Variants in SH3RF1 observed in about 807,000 individuals in gnomAD.
The protein encoded by SH3RF1 is SH3 domain containing ring finger 1, also known as E3 ubiquitin-protein ligase SH3RF1.
SH3RF1 carries 32 observed loss-of-function variants against 74.0 expected under a neutral mutation model. That is an observed-to-expected ratio of 0.43 (90% CI 0.33 to 0.58). The LOEUF is 0.58. Among genes scored for constraint, SH3RF1 ranks in the 20% least tolerant of loss-of-function variants. The pLI, the probability that SH3RF1 is intolerant of heterozygous loss-of-function variation, is 0.05. For synonymous variants in SH3RF1, 396 were observed against 439.6 expected (o/e 0.90, Z 1.24); for missense variants, 954 against 1,130.9 (o/e 0.84, Z 2.24).
chr4:169,128,856 A>G (rs1238472779), intron 6 of SH3RF1, among the ~76,000 whole-genome samples: 1 of 152,244 alleles, frequency 6.6e-6, no homozygotes, highest in Non-Finnish European at 1.5e-5. Context: ...GACAGCAAAG[A>G]AAACTGTAAC....
At chr4:169,165,850 CTG>C (rs1298747240) in intron 2 of SH3RF1, among the ~76,000 whole-genome samples, 1 of 152,134 alleles carries the variant, frequency 6.6e-6, no homozygotes, top group Non-Finnish European at 1.5e-5. Flanking sequence ...GGCAATTCAA[CTG>C]AGAAAAATAA....
chr4:169,194,980 A>G (rs1205942878), intron 2 of SH3RF1, among the ~76,000 whole-genome samples: 1 of 152,176 alleles, frequency 6.6e-6, no homozygotes, highest in African/African-American at 2.4e-5. Flanking sequence ...GTTGTTTTGT[A>G]TGGTCATTAG....
At chr4:169,180,024 C>A (rs1734481481) in intron 2 of SH3RF1, among the ~76,000 whole-genome samples, 2 of 152,144 alleles carry the variant, frequency 1.3e-5, no homozygotes, top group South Asian at 4.1e-4. Context: ...AAGAAACCTG[C>A]ATAAACTTTG....
intron 2 of SH3RF1, among the ~76,000 whole-genome samples, chr4:169,259,920 A>G (rs1731250968): frequency 1.3e-5 from 2 of 152,230 alleles, no homozygotes; most frequent in Non-Finnish European, 2.9e-5. Context: ...CTGCCACAGC[A>G]TGAATTACAA....
At chr4:169,209,363 GA>G (rs1730320550) in intron 2 of SH3RF1, among the ~76,000 whole-genome samples, 1 of 151,854 alleles carries the variant, frequency 6.6e-6, no homozygotes, top group African/African-American at 2.4e-5. Context: ...TCAGTTCTCA[GA>G]TAAGGATCCA....
intron 4 of SH3RF1, among the ~76,000 whole-genome samples, chr4:169,155,101 A>C (rs1734030241): frequency 6.6e-6 from 1 of 152,218 alleles, no homozygotes; most frequent in African/African-American, 2.4e-5. Context: ...CAAGTAACCA[A>C]AGAAGTAAGT....
intron 2 of SH3RF1, among the ~76,000 whole-genome samples, chr4:169,231,422 C>T (rs923074336): frequency 1.3e-5 from 2 of 152,036 alleles, no homozygotes; most frequent in African/African-American, 2.4e-5. Flanking sequence ...AAAAATTAGC[C>T]AGACGTCATG....
chr4:169,235,820 A>C (rs2127009871), intron 2 of SH3RF1, among the ~76,000 whole-genome samples: 1 of 152,120 alleles, frequency 6.6e-6, no homozygotes, highest in Non-Finnish European at 1.5e-5. Context: ...AGCTGGGATT[A>C]CAGGTGTGCA....
At chr4:169,264,729 T>A (rs1043785101) in intron 2 of SH3RF1, among the ~76,000 whole-genome samples, 6 of 152,170 alleles carry the variant, frequency 3.9e-5, no homozygotes, top group South Asian at 4.1e-4. Context: ...TTCCTATCTA[T>A]CCTACCCATC....
chr4:169,235,755 A>C (rs1399472123), intron 2 of SH3RF1, among the ~76,000 whole-genome samples: 1 of 151,796 alleles, frequency 6.6e-6, no homozygotes, highest in Non-Finnish European at 1.5e-5. Context: ...GCAACGGTGC[A>C]ATCTTGGCTC....
chr4:169,197,393 G>A (rs1450534970), intron 2 of SH3RF1, among the ~76,000 whole-genome samples: 2 of 152,024 alleles, frequency 1.3e-5, no homozygotes, highest in Non-Finnish European at 2.9e-5. Context: ...GGAAGGCCAG[G>A]GCAGGTGGAT....
chr4:169,143,312 T>C (rs753486074), intron 4 of SH3RF1, among the ~76,000 whole-genome samples: 27 of 152,232 alleles, frequency 1.8e-4, no homozygotes, highest in African/African-American at 2.7e-4. Flanking sequence ...ATGTAATCCA[T>C]GTAAAAAAGT....
At chr4:169,185,542 A>C (rs779617519) in intron 2 of SH3RF1, among the ~76,000 whole-genome samples, 33 of 152,188 alleles carry the variant, frequency 2.2e-4, no homozygotes, top group Non-Finnish European at 4.3e-4. Flanking sequence ...TAACTGCTAC[A>C]CCCACAAAGC....
At chr4:169,264,082 TG>T (rs368889851) in intron 2 of SH3RF1, among the ~76,000 whole-genome samples, 2 of 152,268 alleles carry the variant, frequency 1.3e-5, no homozygotes, top group East Asian at 3.9e-4. Context: ...TTTAGGAGTA[TG>T]TCTACAGTCA....
At chr4:169,204,845 C>T (rs1335486030) in intron 2 of SH3RF1, among the ~76,000 whole-genome samples, 3 of 152,012 alleles carry the variant, frequency 2.0e-5, no homozygotes, top group South Asian at 2.1e-4. Flanking sequence ...CACTGAGCCC[C>T]GGCCACCTTC....
At chr4:169,198,053 T>C (rs1029782837) in intron 2 of SH3RF1, among the ~76,000 whole-genome samples, 6 of 152,254 alleles carry the variant, frequency 3.9e-5, no homozygotes, top group Non-Finnish European at 7.3e-5. Flanking sequence ...TATTGTGCTT[T>C]AAGAAAAATC....
chr4:169,221,670 A>G (rs1730566206), intron 2 of SH3RF1, among the ~76,000 whole-genome samples: 1 of 152,238 alleles, frequency 6.6e-6, no homozygotes, highest in Non-Finnish European at 1.5e-5. Flanking sequence ...TATAAAATAA[A>G]GGCAACATAT....
intron 4 of SH3RF1, among the ~76,000 whole-genome samples, chr4:169,150,884 A>G (rs1005282680): frequency 2.6e-5 from 4 of 152,226 alleles, no homozygotes; most frequent in Non-Finnish European, 5.9e-5. Flanking sequence ...GGAAAATTCT[A>G]AACTAGGTAC....
chr4:169,199,394 G>A (rs1734871750), intron 2 of SH3RF1, among the ~76,000 whole-genome samples: 1 of 152,158 alleles, frequency 6.6e-6, no homozygotes, highest in Admixed American at 6.5e-5. Context: ...CAAAGACTCG[G>A]GTTCTTACCA....
Sources: gnomAD v4.1 joint callset for allele counts (sites outside exome capture counted in the v4.1 genomes callset) on GRCh38, gnomAD v4.1.1 for gene constraint, MANE v1.5 for transcripts, NCBI Gene and HGNC (gene_info 2026-07-23, HGNC 2026-07-21) for gene names.